The following F2RL1 variants were observed in gnomAD, a reference collection of about 807,000 sequenced individuals.
The protein encoded by F2RL1 is proteinase-activated receptor 2.
A neutral mutation model predicts 21.7 loss-of-function variants in F2RL1; 16 were observed. That is an observed-to-expected ratio of 0.74 (90% CI 0.50 to 1.12). F2RL1 has a LOEUF of 1.12. Ranked by LOEUF, F2RL1 falls within the 50% of genes most tolerant of loss-of-function variation. The probability of loss-of-function intolerance (pLI) is 0.00; values close to 1 mark genes in which losing one functional copy is unlikely to be tolerated. For missense variants in F2RL1, 432 were observed against 477.8 expected (o/e 0.90, Z 0.89); for synonymous variants, 181 against 186.7 (o/e 0.97, Z 0.25).
chr5:76,833,212 T>A lies in F2RL1; in HGVS notation c.605T>A (p.Ile202Asn). ...ATCTCCCTGGCAATATGGCTGCTGA[T>A]TCTGCTGGTCACCATTCCTTTGTAT... ...IGISLAIWLL[I>N]LLVTIPLYVV... Residue 202 changes from isoleucine (I) to asparagine (N), a missense_variant, in exon 2 of 2, where the codon ATT becomes AAT. Coordinates refer to ENST00000296677, the MANE Select transcript of F2RL1 (RefSeq NM_005242.6). 1 of 1,614,026 alleles carries A rather than the reference T, an allele frequency of 6.2e-7. No homozygotes were observed. Among genetic ancestry groups the A allele is most frequent in the Non-Finnish European group, 8.5e-7 (1 of 1,179,950 alleles).
intron 1 of F2RL1, among the ~76,000 whole-genome samples, chr5:76,831,526 C>A (rs548114818): frequency 1.4e-5 from 2 of 142,402 alleles, no homozygotes. Context: ...ACTGCACATT[C>A]CTAAACTGAT....
chr5:76,830,606 A>G (rs1172781293), intron 1 of F2RL1, among the ~76,000 whole-genome samples: 2 of 152,176 alleles, frequency 1.3e-5, no homozygotes, highest in African/African-American at 4.8e-5. Context: ...GACACTTGTC[A>G]TTGGATTTAG....
In F2RL1 at chr5:76,832,761, G is replaced by C. The variant is rs141650701; in HGVS notation, c.154G>C (p.Gly52Arg). The change falls in exon 2 of 2, where the codon GGA becomes CGA. Residue 52 changes from glycine to arginine, a missense_variant. Gly to Arg is a moderately radical substitution (Grantham distance 125). Transcript: ENST00000296677. The stretch of plus-strand genomic sequence containing the variant: ...TGGCACATCCCACGTCACTGGAAAA[G>C]GAGTTACAGTTGAAACAGTCTTTTC... ...VDGTSHVTGKGVTVETVFSVD... is the reference protein window; with the variant it reads ...VDGTSHVTGKRVTVETVFSVD... 157 of 1,614,090 alleles carry C rather than the reference G, an allele frequency of 9.7e-5. No homozygotes were observed. Among genetic ancestry groups the C allele is most frequent in the Non-Finnish European group, 1.2e-4 (138 of 1,180,024 alleles).
chr5:76,824,157 A>ACCCCCC (rs1431155066), intron 1 of F2RL1, among the ~76,000 whole-genome samples: 1 of 52,324 alleles, frequency 1.9e-5, no homozygotes, highest in Non-Finnish European at 3.7e-5. Flanking sequence ...CCTCCCCACC[A>ACCCCCC]CACCCCCCCC....
chr5:76,827,034 A>G (rs888646279), intron 1 of F2RL1, among the ~76,000 whole-genome samples: 2 of 151,252 alleles, frequency 1.3e-5, no homozygotes, highest in African/African-American at 4.9e-5. Context: ...AAATGTTTGT[A>G]GAGATGGGGT....
chr5:76,820,226 C>G (rs1750106753), intron 1 of F2RL1, among the ~76,000 whole-genome samples: 2 of 152,316 alleles, frequency 1.3e-5, no homozygotes, highest in South Asian at 4.1e-4. Flanking sequence ...CCCAGCAGGC[C>G]TCGCTGTGGC....
At chr5:76,832,663 T>C in intron 1 of F2RL1, 27 bp from the exon 2 acceptor site, 3 of 1,550,990 alleles carry the variant, frequency 1.9e-6, no homozygotes, top group Non-Finnish European at 2.6e-6. Context: ...ATTTCTGTAA[T>C]GACCCTTGTC....
chr5:76,825,838 GAAATAT>G (rs1750228618), intron 1 of F2RL1, among the ~76,000 whole-genome samples: 2 of 152,014 alleles, frequency 1.3e-5, no homozygotes, highest in South Asian at 4.1e-4. Context: ...GTTATGTGTT[GAAATAT>G]TCTAAGAAAA....
chr5:76,827,328 A>C (rs1247826860), intron 1 of F2RL1, among the ~76,000 whole-genome samples: 4 of 74,200 alleles, frequency 5.4e-5, no homozygotes, highest in Admixed American at 2.9e-4. Context: ...AAAAATACAA[A>C]AAAAAAAAAA....
intron 1 of F2RL1, among the ~76,000 whole-genome samples, chr5:76,823,340 C>A (rs1474949583): frequency 1.3e-5 from 2 of 149,534 alleles, no homozygotes; most frequent in African/African-American, 2.5e-5. Flanking sequence ...CTCAGCACAA[C>A]TTCTCGGGTT....
At chr5:76,819,503 C>T (rs1750088826) in intron 1 of F2RL1, among the ~76,000 whole-genome samples, 1 of 152,152 alleles carries the variant, frequency 6.6e-6, no homozygotes, top group Admixed American at 6.5e-5. Flanking sequence ...GCAGAGATTT[C>T]CCCAAAGACC....
At chr5:76,832,442 A>C (rs1454256499) in intron 1 of F2RL1, among the ~76,000 whole-genome samples, 4 of 152,138 alleles carry the variant, frequency 2.6e-5, no homozygotes, top group Non-Finnish European at 5.9e-5. Context: ...TCTCTACAAA[A>C]AGTAAAAAAT....
intron 1 of F2RL1, among the ~76,000 whole-genome samples, chr5:76,830,788 C>T (rs1353505954): frequency 6.6e-6 from 1 of 152,214 alleles, no homozygotes. Flanking sequence ...AAATATTGAT[C>T]TCTACATCCC....
chr5:76,825,324 C>T (rs771109316), intron 1 of F2RL1, among the ~76,000 whole-genome samples: 1 of 152,016 alleles, frequency 6.6e-6, no homozygotes, highest in Non-Finnish European at 1.5e-5. Context: ...TTTCAATTGA[C>T]TGTATATTGT....
intron 1 of F2RL1, among the ~76,000 whole-genome samples, chr5:76,829,915 CAT>C (rs1219137408): frequency 4.6e-5 from 7 of 152,016 alleles, no homozygotes; most frequent in African/African-American, 9.7e-5. Context: ...TTAAAAACAA[CAT>C]ATGTTCTTTT....
chr5:76,831,167 G>A (rs1370599343), intron 1 of F2RL1, among the ~76,000 whole-genome samples: 1 of 152,160 alleles, frequency 6.6e-6, no homozygotes, highest in Non-Finnish European at 1.5e-5. Flanking sequence ...AAGTTAGCTT[G>A]TCATGCTACA....
At chr5:76,823,349 TTTTG>T (rs936599254) in intron 1 of F2RL1, among the ~76,000 whole-genome samples, 10 of 149,826 alleles carry the variant, frequency 6.7e-5, no homozygotes, top group Admixed American at 5.4e-4. Flanking sequence ...ACTTCTCGGG[TTTTG>T]TTTGTTTGGT....
At chr5:76,829,656 G>A (rs1421633906) in intron 1 of F2RL1, among the ~76,000 whole-genome samples, 4 of 152,094 alleles carry the variant, frequency 2.6e-5, no homozygotes, top group Non-Finnish European at 5.9e-5. Context: ...TACATACATT[G>A]TCATTCTAAG....
At chr5:76,819,378 C>T (rs1341776488) in intron 1 of F2RL1, 114 bp downstream of exon 1, 9 of 873,028 alleles carry the variant, frequency 1.0e-5, no homozygotes, top group Non-Finnish European at 1.5e-5. Context: ...TGCCGGCACC[C>T]ATCTCTACGA....
Sources: allele counts gnomAD v4.1 joint callset (sites outside exome capture counted in the v4.1 genomes callset), GRCh38; gene constraint gnomAD v4.1.1; transcripts MANE v1.5; gene names NCBI Gene and HGNC (gene_info 2026-07-23, HGNC 2026-07-21).